TBCK: variants seen among roughly 807,000 people sequenced by gnomAD.
The protein encoded by TBCK is TBC domain-containing protein kinase-like protein.
Under a neutral mutation model 113.4 loss-of-function variants are expected in TBCK, and 99 were observed. That is an observed-to-expected ratio of 0.87 (90% CI 0.74 to 1.03). The LOEUF (loss-of-function observed/expected upper bound fraction) is 1.03. Ranked by LOEUF, TBCK falls within the 50% of genes least tolerant of loss-of-function variation. TBCK has a pLI of 0.00. For missense variants in TBCK, 1,045 were observed against 1,061.3 expected (o/e 0.98, Z 0.21); for synonymous variants, 369 against 370.8 (o/e 1.00, Z 0.05).
At chr4:106,193,209 G>A (rs1156904475) in intron 22 of TBCK, among the ~76,000 whole-genome samples, 1 of 152,140 alleles carries the variant, frequency 6.6e-6, no homozygotes, top group Non-Finnish European at 1.5e-5. Context: ...TTGGCTGGGA[G>A]GCAACAAAGT....
intron 3 of TBCK, among the ~76,000 whole-genome samples, chr4:106,294,642 C>G (rs571369496): frequency 6.6e-6 from 1 of 152,066 alleles, no homozygotes; most frequent in African/African-American, 2.4e-5. Context: ...CCACCACGTC[C>G]AGCTAATTTT....
rs527927659 is a variant in TBCK, at chr4:106,108,260, G to A, written c.2411+7943C>T. ...GACTTATACCTAACTCATTCTATGA[G>A]GCCAGCATCATCTTCATACCAAAGC... is the stretch of plus-strand genomic sequence containing the variant. On this transcript the variant is annotated intron_variant, in intron 24 of 25. Transcript: ENST00000394708. Among the ~76,000 whole-genome samples the A allele has an allele frequency of 2.6e-5, 4 of 151,870 alleles. No homozygotes were observed. In the East Asian group the frequency reaches 7.7e-4, roughly 29 times the overall value.
chr4:106,198,929 T>C (rs1399354816), intron 20 of TBCK, among the ~76,000 whole-genome samples: 1 of 152,150 alleles, frequency 6.6e-6, no homozygotes. Flanking sequence ...TTTCCTATCA[T>C]ATTCTCTGCA....
At chr4:106,084,670 C>A (rs373259215) in intron 25 of TBCK, among the ~76,000 whole-genome samples, 15 of 152,240 alleles carry the variant, frequency 9.9e-5, no homozygotes, top group African/African-American at 3.1e-4. Context: ...GAAGGAAAAA[C>A]TGTTAAGAGC....
At chr4:106,174,843 C>T (rs1052568666) in intron 22 of TBCK, among the ~76,000 whole-genome samples, 12 of 151,992 alleles carry the variant, frequency 7.9e-5, no homozygotes, top group Non-Finnish European at 1.8e-4. Context: ...AATTTCCAGG[C>T]CAGGCACGGT....
chr4:106,239,647 G>A (rs1759870845), intron 12 of TBCK, among the ~76,000 whole-genome samples: 1 of 151,870 alleles, frequency 6.6e-6, no homozygotes, highest in Admixed American at 6.6e-5. Context: ...CAAGTTTAAA[G>A]GCCTTAAAAC....
intron 25 of TBCK, among the ~76,000 whole-genome samples, chr4:106,054,223 T>A (rs1735144062): frequency 6.6e-6 from 1 of 151,636 alleles, no homozygotes; most frequent in Non-Finnish European, 1.5e-5. Flanking sequence ...CAACTCCCCA[T>A]CATCTACCTC....
intron 15 of TBCK, 77 bp from the exon 16 acceptor site, chr4:106,233,727 A>T (rs558283819): frequency 1.7e-6 from 2 of 1,208,178 alleles, no homozygotes; most frequent in African/African-American, 1.5e-5. Flanking sequence ...TCTATTTTTT[A>T]CAAATATCTA....
At chr4:106,313,401 A>T (rs1193199779) in intron 1 of TBCK, among the ~76,000 whole-genome samples, 1 of 152,186 alleles carries the variant, frequency 6.6e-6, no homozygotes, top group Non-Finnish European at 1.5e-5. Flanking sequence ...AAGTTAGAAG[A>T]CATGGAAGGA....
chr4:106,116,148 G>T, intron 24 of TBCK, 55 bp downstream of exon 24: 1 of 1,489,980 alleles, frequency 6.7e-7, no homozygotes. Flanking sequence ...TTAAATGAAA[G>T]GATGCAATAC....
At chr4:106,311,268 G>T (rs1345310034) in intron 1 of TBCK, among the ~76,000 whole-genome samples, 1 of 149,862 alleles carries the variant, frequency 6.7e-6, no homozygotes, top group Non-Finnish European at 1.5e-5. Context: ...GTGCAAGAAA[G>T]ATCAAGGCAG....
At chr4:106,143,004 T>C (rs1747310207) in intron 23 of TBCK, among the ~76,000 whole-genome samples, 1 of 152,212 alleles carries the variant, frequency 6.6e-6, no homozygotes, top group South Asian at 2.1e-4. Context: ...GCTACTAGCT[T>C]GGGACAATCC....
At chr4:106,267,390 G>A (rs1214439700) in intron 3 of TBCK, among the ~76,000 whole-genome samples, 1 of 151,406 alleles carries the variant, frequency 6.6e-6, no homozygotes, top group Non-Finnish European at 1.5e-5. Context: ...TGAATTTTTG[G>A]GCCCACAATT....
In TBCK at chr4:106,160,742, G is replaced by T. The variant is rs578230549; in HGVS notation, c.2235+10353C>A. Among the ~76,000 whole-genome samples, 96 of 152,056 alleles carry T rather than the reference G, an allele frequency of 6.3e-4. 1 individual carries two copies. Among genetic ancestry groups the T allele is most frequent in the Admixed American group, 4.8e-3 (73 of 15,254 alleles). ...AAAAAACTAAAGATAGATAACATAT[G>T]ATCCTGAAATTCCACTTTTGGATAT... On this transcript the variant is annotated intron_variant, in intron 23 of 25. Coordinates refer to ENST00000394708, the MANE Select transcript of TBCK (RefSeq NM_001163435.3).
chr4:106,295,270 A>G (rs1451912862), intron 2 of TBCK, 104 bp from the exon 3 acceptor site: 1 of 873,096 alleles, frequency 1.1e-6, no homozygotes, highest in Non-Finnish European at 1.7e-6. Context: ...ACCCATAACA[A>G]TATTTTAAAA....
chr4:106,248,171 T>C, intron 9 of TBCK, 74 bp downstream of exon 9: 1 of 986,940 alleles, frequency 1.0e-6, no homozygotes, highest in East Asian at 2.6e-5. Context: ...ATCCATTATA[T>C]TAAAACAAGA....
chr4:106,097,287 C>T (rs1741038967), intron 24 of TBCK, among the ~76,000 whole-genome samples: 1 of 152,066 alleles, frequency 6.6e-6, no homozygotes, highest in African/African-American at 2.4e-5. Flanking sequence ...AAATAAGGCA[C>T]AAAAGAAACA....
chr4:106,169,201 T>C (rs1333696894), intron 23 of TBCK, among the ~76,000 whole-genome samples: 1 of 152,072 alleles, frequency 6.6e-6, no homozygotes, highest in African/African-American at 2.4e-5. Flanking sequence ...TTTGTAGGTA[T>C]CAACAAACTA....
chr4:106,193,554 G>A (rs1451565604), intron 22 of TBCK, 55 bp downstream of exon 22: 3 of 1,592,932 alleles, frequency 1.9e-6, no homozygotes, highest in Admixed American at 1.7e-5. Flanking sequence ...TTAAGAATGT[G>A]TCATTATTTC....
Sources: gnomAD v4.1 joint callset for allele counts (sites outside exome capture counted in the v4.1 genomes callset) on GRCh38, gnomAD v4.1.1 for gene constraint, MANE v1.5 for transcripts, NCBI Gene and HGNC (gene_info 2026-07-23, HGNC 2026-07-21) for gene names.